Variants in ATF7IP observed in about 807,000 individuals in gnomAD.
ATF7IP encodes the protein activating transcription factor 7-interacting protein 1.
Under a neutral mutation model 106.4 loss-of-function variants are expected in ATF7IP, and 23 were observed. That is an observed-to-expected ratio of 0.22 (90% CI 0.16 to 0.31). The LOEUF is 0.31. ATF7IP is among the 10% of genes least tolerant of loss of function. The pLI is 1.00. For missense variants in ATF7IP, 1,334 were observed against 1,524.3 expected, an observed-to-expected ratio of 0.88 and a Z score of 2.08; for synonymous variants, 542 against 539.0, an observed-to-expected ratio of 1.01 and a Z score of -0.08.
chr12:14,401,495 C>A (rs1224637152), intron 1 of ATF7IP, among the ~76,000 whole-genome samples: 1 of 151,990 alleles, frequency 6.6e-6, no homozygotes, highest in Non-Finnish European at 1.5e-5. Flanking sequence ...TCGTGCCTGG[C>A]CTTTCTTTCT....
rs748052473 is a variant in ATF7IP, at chr12:14,424,122, A to G, written c.207A>G (p.Glu69=). The change falls in exon 2 of 15, where the codon GAA becomes GAG. Residue 69 remains glutamate, a synonymous_variant. Transcript: ENST00000261168. ...ACATGGATTACATTAAAGACAAGGA[A>G]GAGGTGAATGGCATTGAAGAGATTT... ...LENMDYIKDK[E]EVNGIEEICF... The G allele has an allele frequency of 2.1e-5, 34 of 1,614,124 alleles. No homozygotes were observed. The highest frequency in any genetic ancestry group is 2.5e-5 in the Non-Finnish European group (30 of 1,180,034).
intron 9 of ATF7IP, chr12:14,466,306 G>A (rs987227257): frequency 2.3e-6 from 1 of 431,098 alleles, no homozygotes; most frequent in East Asian, 4.1e-5. Flanking sequence ...TGCTGGGCCA[G>A]TGGAAAGTTT....
chr12:14,387,168 C>G (rs1939282938), intron 1 of ATF7IP, among the ~76,000 whole-genome samples: 1 of 151,974 alleles, frequency 6.6e-6, no homozygotes, highest in Non-Finnish European at 1.5e-5. Context: ...AATTTGAACA[C>G]TAATTTATGT....
intron 1 of ATF7IP, chr12:14,367,406 T>C (rs1938352771): frequency 6.6e-6 from 1 of 152,150 alleles, no homozygotes; most frequent in Admixed American, 6.5e-5. Flanking sequence ...GATGTAATTC[T>C]TGGATCTCTG....
At chr12:14,423,249 T>A (rs563498770) in intron 1 of ATF7IP, among the ~76,000 whole-genome samples, 22 of 152,276 alleles carry the variant, frequency 1.4e-4, no homozygotes, top group South Asian at 8.3e-4. Context: ...ATTATAGCAG[T>A]TCTTAGATAT....
chr12:14,453,792 T>G (rs373009813), intron 6 of ATF7IP, among the ~76,000 whole-genome samples: 81 of 152,202 alleles, frequency 5.3e-4, no homozygotes, highest in African/African-American at 1.7e-3. Flanking sequence ...GCTCGGCTAA[T>G]TTTTGTATGT....
intron 1 of ATF7IP, among the ~76,000 whole-genome samples, chr12:14,383,521 C>T (rs951263205): frequency 6.6e-6 from 1 of 152,046 alleles, no homozygotes; most frequent in African/African-American, 2.4e-5. Flanking sequence ...TCTGTTCCAG[C>T]CTTTCTCAAT....
intron 6 of ATF7IP, among the ~76,000 whole-genome samples, chr12:14,450,613 T>A (rs1345935130): frequency 6.6e-6 from 1 of 152,186 alleles, no homozygotes; most frequent in African/African-American, 2.4e-5. Flanking sequence ...GATATTTGTC[T>A]GTAGTTTTAG....
chr12:14,497,622 T>A, intron 14 of ATF7IP, 32 bp from the exon 15 acceptor site: 2 of 1,563,760 alleles, frequency 1.3e-6, no homozygotes, highest in African/African-American at 1.4e-5. Flanking sequence ...CTTTTTGCAA[T>A]CATCATTAAT....
rs187179403 is a variant in ATF7IP, at chr12:14,421,025, G to C, written c.-7-2884G>C. 3.0e-4 allele frequency among the ~76,000 whole-genome samples: 45 copies of C among 152,280 alleles called. No homozygotes were observed. The East Asian group carries it at 7.7e-3, about 26-fold the overall frequency. ...TGATTGATGACATTGTTTTTCTTCA[G>C]AACCACATCCTTGTGCTCTTTTGTT... is the stretch of plus-strand genomic sequence containing the variant. On this transcript the variant is annotated intron_variant, in intron 1 of 14. Coordinates refer to ENST00000261168, the MANE Select transcript of ATF7IP (RefSeq NM_018179.5).
chr12:14,409,605 A>G (rs928393392), intron 1 of ATF7IP, among the ~76,000 whole-genome samples: 1 of 152,212 alleles, frequency 6.6e-6, no homozygotes, highest in African/African-American at 2.4e-5. Flanking sequence ...CATTACTGCA[A>G]TCCTGCAAGA....
chr12:14,380,825 G>A (rs1025711438), intron 1 of ATF7IP, among the ~76,000 whole-genome samples: 4 of 152,112 alleles, frequency 2.6e-5, no homozygotes, highest in South Asian at 2.1e-4. Flanking sequence ...TTGCCATGTT[G>A]GCCAAGCTGG....
chr12:14,475,822 C>T, intron 10 of ATF7IP, 68 bp from the exon 11 acceptor site: 1 of 1,279,942 alleles, frequency 7.8e-7, no homozygotes, highest in Non-Finnish European at 1.1e-6. Context: ...CCTCACTTAT[C>T]ATCTCATTTT....
intron 1 of ATF7IP, among the ~76,000 whole-genome samples, chr12:14,412,532 A>G (rs1940979658): frequency 6.6e-6 from 1 of 151,986 alleles, no homozygotes; most frequent in African/African-American, 2.4e-5. Context: ...TCTAAATGAG[A>G]TTGTTTTATT....
At chr12:14,477,622 A>C (rs1591948841) in intron 11 of ATF7IP, among the ~76,000 whole-genome samples, 2 of 152,326 alleles carry the variant, frequency 1.3e-5, no homozygotes, top group Middle Eastern at 3.4e-3. Context: ...AAATTCTCAC[A>C]TTCCTAAAGC....
chr12:14,367,015 T>C (rs1260493100), intron 1 of ATF7IP, among the ~76,000 whole-genome samples: 5 of 152,324 alleles, frequency 3.3e-5, no homozygotes, highest in South Asian at 4.1e-4. Flanking sequence ...TTAAATCTTA[T>C]GTAACACAAT....
intron 1 of ATF7IP, among the ~76,000 whole-genome samples, chr12:14,367,024 A>G (rs1035846160): frequency 6.6e-6 from 1 of 152,170 alleles, no homozygotes; most frequent in African/African-American, 2.4e-5. Context: ...ATGTAACACA[A>G]TTGGGGGAAG....
rs146229655 is a variant in ATF7IP, at chr12:14,428,805, C to T, written c.1558+3332C>T. Among the ~76,000 whole-genome samples, 665 of 152,034 alleles carry T rather than the reference C, an allele frequency of 4.4e-3. 4 individuals are homozygous for T. Among genetic ancestry groups the T allele is most frequent in the African/African-American group, 0.015 (640 of 41,474 alleles). On this transcript the variant is annotated intron_variant, in intron 2 of 14. Coordinates refer to ENST00000261168, the MANE Select transcript of ATF7IP (RefSeq NM_018179.5). ...CAACAAGAAATAATGAAAGATAAAG[C>T]AAATAGAAAAGCTATTTTAATTTTA...
At chr12:14,480,915 A>T (rs1179013212) in intron 12 of ATF7IP, 88 bp from the exon 13 acceptor site, 1 of 1,190,124 alleles carries the variant, frequency 8.4e-7, no homozygotes, top group African/African-American at 1.5e-5. Context: ...AGTTAATTAG[A>T]TTTTATGCAA....
Sources: gnomAD v4.1 joint callset for allele counts (sites outside exome capture counted in the v4.1 genomes callset) on GRCh38, gnomAD v4.1.1 for gene constraint, MANE v1.5 for transcripts, NCBI Gene and HGNC (gene_info 2026-07-23, HGNC 2026-07-21) for gene names.